TRMT9B: variants seen among roughly 807,000 people sequenced by gnomAD.
The protein encoded by TRMT9B is probable tRNA methyltransferase 9B.
TRMT9B carries 16 observed loss-of-function variants against 11.5 expected under a neutral mutation model. The observed-to-expected ratio is 1.39, with a 90% CI of 0.94 to 2.11. The LOEUF is 2.11. Among genes scored for constraint, TRMT9B ranks in the 30% most tolerant of loss-of-function variants. TRMT9B has a pLI of 0.00. For missense variants in TRMT9B, 941 were observed against 553.8 expected, an observed-to-expected ratio of 1.70 and a Z score of -7.02; for synonymous variants, 274 against 192.4, an observed-to-expected ratio of 1.42 and a Z score of -3.51.
Position 12,977,851 on chromosome 8 carries a change from C to CAA in TRMT9B, c.-199-12974_-199-12973dup, listed in dbSNP as rs113801109. ...GCAATATAGCAAGACCCTATCTCTA[C>CAA]AAAAAAAAAAGAAAAAAATACAAAA... On this transcript the variant is annotated intron_variant, in intron 1 of 4. Transcript: ENST00000524591. 1.2e-3 allele frequency among the ~76,000 whole-genome samples: 171 copies of CAA among 140,246 alleles called. 2 individuals are homozygous for CAA. Among genetic ancestry groups the CAA allele is most frequent in the Middle Eastern group, 0.011 (3 of 278 alleles). The allele number at this position is 140,246 out of a possible 152,430, so 92.0% of individuals were successfully genotyped here.
At chr8:12,974,213 C>T (rs1468885960) in intron 1 of TRMT9B, among the ~76,000 whole-genome samples, 2 of 151,892 alleles carry the variant, frequency 1.3e-5, no homozygotes, top group Non-Finnish European at 2.9e-5. Flanking sequence ...CCTAACCTCT[C>T]CTTGCCGGCT....
chr8:12,957,771 A>C (rs1370643761), intron 1 of TRMT9B, among the ~76,000 whole-genome samples: 1 of 152,234 alleles, frequency 6.6e-6, no homozygotes. Flanking sequence ...GTAATAAAAT[A>C]TGCATAGAAT....
chr8:13,002,421 C>G (rs1809613524), intron 2 of TRMT9B, among the ~76,000 whole-genome samples: 1 of 152,140 alleles, frequency 6.6e-6, no homozygotes, highest in Non-Finnish European at 1.5e-5. Context: ...TTCTGTTTTT[C>G]TCTTGTGTGG....
intron 1 of TRMT9B, among the ~76,000 whole-genome samples, chr8:12,957,061 G>T (rs1184451633): frequency 1.3e-5 from 2 of 152,132 alleles, no homozygotes; most frequent in Non-Finnish European, 2.9e-5. Flanking sequence ...ATGATAGTAT[G>T]GTACTTTTAT....
intron 2 of TRMT9B, among the ~76,000 whole-genome samples, chr8:12,999,739 T>A (rs1809053825): frequency 6.6e-6 from 1 of 152,200 alleles, no homozygotes; most frequent in Admixed American, 6.5e-5. Flanking sequence ...TTACAGCACA[T>A]GACATATTTC....
chr8:12,999,067 A>G (rs574398293), intron 2 of TRMT9B, among the ~76,000 whole-genome samples: 2 of 152,196 alleles, frequency 1.3e-5, no homozygotes, highest in East Asian at 3.9e-4. Context: ...TTGGTAGGCC[A>G]AGGCAGGTGG....
At position 12,999,477 on chromosome 8, in the gene TRMT9B, C is replaced by G. The variant is rs148534616; in HGVS notation, c.-1-6725C>G. ...GTATGTAAAAACATCAAATTATATA[C>G]TTTAAATATATGCAGTTTGTTATAT... On this transcript the variant is annotated intron_variant, in intron 2 of 4. Transcript: ENST00000524591. Among the ~76,000 whole-genome samples the G allele has an allele frequency of 9.7e-4, 148 of 152,106 alleles. 2 individuals are homozygous for G. The highest frequency in any genetic ancestry group is 3.3e-3 in the African/African-American group (139 of 41,516).
intron 1 of TRMT9B, among the ~76,000 whole-genome samples, chr8:12,973,349 A>C (rs1803924463): frequency 6.6e-6 from 1 of 152,094 alleles, no homozygotes. Flanking sequence ...CCCCATCCTC[A>C]AGTCAAGTGA....
intron 2 of TRMT9B, among the ~76,000 whole-genome samples, chr8:13,000,070 A>T (rs1049640542): frequency 6.6e-6 from 1 of 152,002 alleles, no homozygotes; most frequent in African/African-American, 2.4e-5. Flanking sequence ...GGTGGGTGGG[A>T]TTAGAATACC....
intron 2 of TRMT9B, among the ~76,000 whole-genome samples, chr8:13,002,889 C>T (rs778648827): frequency 3.3e-5 from 5 of 152,144 alleles, no homozygotes; most frequent in Non-Finnish European, 5.9e-5. Context: ...ATCTTCTCTC[C>T]AGTTACACTC....
chr8:13,026,482 G>T lies in TRMT9B; in HGVS notation c.*4438G>T, dbSNP rs1814706375. 6.0e-6 allele frequency: 1 copy of T among 166,726 alleles called. No homozygotes were observed. The highest frequency in any genetic ancestry group is 2.1e-4 in the South Asian group (1 of 4,824). The allele number at this position is 166,726 out of a possible 1,614,324, so 10.3% of individuals were successfully genotyped here. A position where few individuals can be genotyped will look rare whatever the true frequency, so the allele number is the denominator to read the frequency against. ...TGGGGGGGAGGGGTTGTGCGGCTGG[G>T]GCCTCACTTCCCCTCCTTCCCCTTC... On this transcript the variant is annotated 3_prime_UTR_variant, in exon 5 of 5. Transcript: ENST00000524591.
Position 13,021,623 on chromosome 8 carries a change from C to A in TRMT9B, c.944C>A (p.Ser315Tyr). 1 of 1,613,822 alleles carries A rather than the reference C, an allele frequency of 6.2e-7. No homozygotes were observed. Among genetic ancestry groups the A allele is most frequent in the Non-Finnish European group, 8.5e-7 (1 of 1,179,814 alleles). The change falls in exon 5 of 5, where the codon TCT becomes TAT. Residue 315 changes from serine (S) to tyrosine (Y), a missense_variant. Physicochemically the swap from Ser to Tyr is moderately radical, Grantham distance 144. Transcript: ENST00000524591. ...QSLDEEVFVE[S>Y]SSGKHLEWLR... ...TTAGATGAGGAAGTGTTTGTGGAATCTTCTTCTGGAAAACACTTGGAGTGG... is the reference window on the plus strand; with the variant it reads ...TTAGATGAGGAAGTGTTTGTGGAATATTCTTCTGGAAAACACTTGGAGTGG...
chr8:12,956,278 G>C (rs935713164), intron 1 of TRMT9B, among the ~76,000 whole-genome samples: 3 of 152,158 alleles, frequency 2.0e-5, no homozygotes, highest in African/African-American at 4.8e-5. Context: ...GATTTGGCTA[G>C]AGTATTTATT....
At chr8:12,962,987 G>A (rs912087091) in intron 1 of TRMT9B, among the ~76,000 whole-genome samples, 1 of 152,148 alleles carries the variant, frequency 6.6e-6, no homozygotes, top group Non-Finnish European at 1.5e-5. Context: ...ACATGATTTG[G>A]GGGTTTGATT....
rs1273723993 is a variant in TRMT9B at position 13,029,649 on chromosome 8, GTTATA to G, written c.*7608_*7612del. 1 of 158,996 alleles carries G rather than the reference GTTATA, an allele frequency of 6.3e-6. No homozygotes were observed. The highest frequency in any genetic ancestry group is 1.5e-5 in the Non-Finnish European group (1 of 68,070). 9.8% of individuals were successfully genotyped at this position (158,996 alleles called of 1,614,324 possible). ...CGGGGCAAGTTCGTATTTGAATTCT[GTTATA>G]TTTATCTAAGGGAAGCAAAATTAAC... On this transcript the variant is annotated 3_prime_UTR_variant, in exon 5 of 5. Transcript: ENST00000524591.
At chr8:12,968,460 A>G (rs556487025) in intron 1 of TRMT9B, among the ~76,000 whole-genome samples, 1 of 152,354 alleles carries the variant, frequency 6.6e-6, no homozygotes, top group South Asian at 2.1e-4. Flanking sequence ...AATTTCTGGT[A>G]TATTTGTTGT....
At chr8:13,019,785 C>T (rs530603) in intron 4 of TRMT9B, among the ~76,000 whole-genome samples, 9,685 of 152,158 alleles carry the variant, frequency 0.064, 384 homozygotes, top group African/African-American at 0.1. Flanking sequence ...AGTCTGAGGC[C>T]AGGAGGGTAG....
intron 1 of TRMT9B, among the ~76,000 whole-genome samples, chr8:12,967,221 C>G (rs749299431): frequency 5.3e-5 from 8 of 152,182 alleles, no homozygotes; most frequent in Admixed American, 2.6e-4. Flanking sequence ...GTTCAGAAAT[C>G]TTTGATCAGT....
At chr8:12,975,013 C>T (rs2460349) in intron 1 of TRMT9B, among the ~76,000 whole-genome samples, 49,464 of 150,268 alleles carry the variant, frequency 0.33, 8,466 homozygotes, top group East Asian at 0.6. Context: ...TGTGGTCATA[C>T]ATAAGCAGTT....
Sources: allele counts gnomAD v4.1 joint callset (sites outside exome capture counted in the v4.1 genomes callset), GRCh38; gene constraint gnomAD v4.1.1; transcripts MANE v1.5; gene names NCBI Gene and HGNC (gene_info 2026-07-23, HGNC 2026-07-21).